KRT40: variants seen among roughly 807,000 people sequenced by gnomAD.
KRT40 encodes keratin 40.
In KRT40, 47 loss-of-function variants were observed where a neutral mutation model predicts 43.5. The ratio of observed to expected loss-of-function variants is 1.08; its 90% CI spans 0.86 to 1.38. KRT40 has a LOEUF of 1.38. Among genes scored for constraint, KRT40 ranks in the 40% most tolerant of loss-of-function variants. KRT40 has a pLI of 0.00. For synonymous variants in KRT40, 212 were observed against 214.0 expected (o/e 0.99, Z 0.08); for missense variants, 573 against 523.6 (o/e 1.09, Z -0.92).
Position 40,984,233 on chromosome 17 carries a change from G to A in KRT40, c.41C>T (p.Ser14Phe), listed in dbSNP as rs1912352107. The A allele has an allele frequency of 6.2e-7, 1 of 1,613,628 alleles. No individual in the cohort carries two copies. The change falls in exon 1 of 7, where the codon TCC becomes TTC. Residue 14 changes from serine (S) to phenylalanine (F), a missense_variant. Coordinates refer to ENST00000377755, the MANE Select transcript of KRT40 (RefSeq NM_001389244.1). ...TGCACAACCGGAAGCCGTGCCACAGGACTCAGGAGAGCAGTGTGTGGAGGA... is the reference window on the plus strand; with the variant it reads ...TGCACAACCGGAAGCCGTGCCACAGAACTCAGGAGAGCAGTGTGTGGAGGA... ...DCSSTHCSPE[S>F]CGTASGCAPA...
intron 5 of KRT40, 33 bp downstream of exon 5, chr17:40,980,752 T>C: frequency 1.3e-6 from 2 of 1,553,364 alleles, no homozygotes; most frequent in Non-Finnish European, 1.7e-6. Context: ...GACTTATCAG[T>C]GACACAACGG....
Position 40,982,418 on chromosome 17 carries a change from G to C in KRT40, c.576C>G (p.Ile192Met). 1.2e-6 allele frequency: 2 copies of C among 1,609,312 alleles called. No individual in the cohort carries two copies. The highest frequency in any genetic ancestry group is 1.7e-6 in the Non-Finnish European group (2 of 1,177,726). ...LSLRQLLEAD[I>M]SSLHGILEEL... Reference sequence around the variant, plus strand: ...CCTCCAGGATCCCATGCAGGCTGCTGATGTCAGCCTCTAACAGCTGGCGAA... The same window carrying C: ...CCTCCAGGATCCCATGCAGGCTGCTCATGTCAGCCTCTAACAGCTGGCGAA... The change falls in exon 3 of 7, where the codon ATC (isoleucine) becomes ATG (methionine). Residue 192 changes from isoleucine (I) to methionine (M), a missense_variant. By Grantham distance (10) the Ile-to-Met change is conservative. Transcript: ENST00000377755.
chr17:40,980,346 T>C (rs962229551), intron 5 of KRT40, among the ~76,000 whole-genome samples: 9 of 152,210 alleles, frequency 5.9e-5, no homozygotes, highest in Non-Finnish European at 1.2e-4. Context: ...ACGCATGGTG[T>C]TCCTGTTGCT....
At chr17:40,982,823 G>A (rs1912254517) in intron 2 of KRT40, among the ~76,000 whole-genome samples, 3 of 152,100 alleles carry the variant, frequency 2.0e-5, no homozygotes, top group South Asian at 2.1e-4. Context: ...GGCCCACATG[G>A]TGAAACCCTG....
Position 40,978,128 on chromosome 17 carries a change from C to A in KRT40, c.*69G>T. ...ATTTGTGCTTCCGGTTTGGATGTCC[C>A]TGGTTGAAGCCCCATCTCCTTTCTA... On this transcript the variant is annotated 3_prime_UTR_variant, in exon 7 of 7. Coordinates refer to ENST00000377755, the MANE Select transcript of KRT40 (RefSeq NM_001389244.1). 1 of 1,200,176 alleles carries A rather than the reference C, an allele frequency of 8.3e-7. No homozygotes were observed. The highest frequency in any genetic ancestry group is 1.2e-6 in the Non-Finnish European group (1 of 810,358). The allele number at this position is 1,200,176 out of a possible 1,614,324, so 74.3% of individuals were successfully genotyped here. A position where few individuals can be genotyped will look rare whatever the true frequency, so the allele number is the denominator to read the frequency against.
upstream of KRT40, among the ~76,000 whole-genome samples, chr17:40,985,013 C>T (rs1338947550): frequency 6.6e-6 from 1 of 152,294 alleles, no homozygotes; most frequent in East Asian, 1.9e-4. Flanking sequence ...TTGCCTTCTC[C>T]ACATTTCTCA....
At position 40,984,152 on chromosome 17, in the gene KRT40, G is replaced by A; in HGVS notation, c.122C>T (p.Ser41Phe). Reference protein sequence around the residue: ...TACLPGTCATSRCQTPSFLSR... With the variant: ...TACLPGTCATFRCQTPSFLSR... Reference sequence around the variant, plus strand: ...TAGGAAGCTTGGAGTCTGACATCGGGATGTAGCACAGGTACCGGGGAGACA... The same window carrying A: ...TAGGAAGCTTGGAGTCTGACATCGGAATGTAGCACAGGTACCGGGGAGACA... Residue 41 changes from serine (S) to phenylalanine (F), a missense_variant, in exon 1 of 7, where the codon TCC (serine) becomes TTC (phenylalanine). Physicochemically the swap from Ser to Phe is radical, Grantham distance 155. Coordinates refer to ENST00000377755, the MANE Select transcript of KRT40 (RefSeq NM_001389244.1). The A allele has an allele frequency of 6.2e-7, 1 of 1,614,118 alleles. No homozygotes were observed. Among genetic ancestry groups the A allele is most frequent in the Non-Finnish European group, 8.5e-7 (1 of 1,180,034 alleles).
intron 3 of KRT40, 25 bp from the exon 4 acceptor site, chr17:40,981,176 T>C (rs772751564): frequency 6.2e-7 from 1 of 1,612,326 alleles, no homozygotes; most frequent in Non-Finnish European, 8.5e-7. Flanking sequence ...GTGTAAAGAA[T>C]GTCACAGAAT....
chr17:40,982,968 A>G (rs1912264465), intron 2 of KRT40, 78 bp downstream of exon 2: 2 of 665,252 alleles, frequency 3.0e-6, no homozygotes. Context: ...AGATAGCACC[A>G]TTGAGCTCTA....
upstream of KRT40, among the ~76,000 whole-genome samples, chr17:40,984,854 GT>G (rs2143692504): frequency 9.3e-6 from 1 of 107,512 alleles, no homozygotes; most frequent in East Asian, 2.5e-4. Flanking sequence ...TATATATTGG[GT>G]TTAAAGTGTG....
chr17:40,986,082 C>T (rs900762283), upstream of KRT40, among the ~76,000 whole-genome samples: 4 of 152,122 alleles, frequency 2.6e-5, no homozygotes, highest in African/African-American at 9.7e-5. Flanking sequence ...GCTATAGTCT[C>T]CATCGTAGAA....
At chr17:40,978,430 C>A in intron 6 of KRT40, 134 bp from the exon 7 acceptor site, 1 of 707,844 alleles carries the variant, frequency 1.4e-6, no homozygotes, top group Non-Finnish European at 2.5e-6. Context: ...TTGACTGAAG[C>A]CTGTTTCTTC....
In KRT40 at chr17:40,978,753, A is replaced by G. The variant is rs756212570; in HGVS notation, c.1196+51T>C. 3 of 1,501,672 alleles carry G rather than the reference A, an allele frequency of 2.0e-6. No homozygotes were observed. In the Admixed American group the frequency reaches 5.2e-5, roughly 26 times the overall value. The allele number at this position is 1,501,672 out of a possible 1,614,324, so 93.0% of individuals were successfully genotyped here. ...CTTTGGGGAAACAGGATTCTTTTAC[A>G]TCAGCCTCTTTGTGACTCTGGGGGA... On this transcript the variant is annotated intron_variant, in intron 6 of 6. Transcript: ENST00000377755.
chr17:40,986,552 C>T (rs1288753611), upstream of KRT40, among the ~76,000 whole-genome samples: 2 of 152,136 alleles, frequency 1.3e-5, no homozygotes, highest in African/African-American at 2.4e-5. Context: ...TATTTTCATA[C>T]GTTCTCTAAT....
Position 40,980,760 on chromosome 17 carries a change from C to A in KRT40, c.975+25G>T, listed in dbSNP as rs201112095. ...AGGGCCTGACTTATCAGTGACACAA[C>A]GGACACTGCCTTTGCCTCACGCACC... On this transcript the variant is annotated intron_variant, in intron 5 of 6. Coordinates refer to ENST00000377755, the MANE Select transcript of KRT40 (RefSeq NM_001389244.1). 4 of 1,564,592 alleles carry A rather than the reference C, an allele frequency of 2.6e-6. No individual in the cohort carries two copies. In the South Asian group the frequency reaches 3.6e-5, roughly 14 times the overall value.
At chr17:40,981,522 T>C (rs1257129100) in intron 3 of KRT40, among the ~76,000 whole-genome samples, 2 of 152,250 alleles carry the variant, frequency 1.3e-5, no homozygotes, top group Non-Finnish European at 2.9e-5. Flanking sequence ...TTTCATTTTC[T>C]AGCTTTATCA....
chr17:40,978,990 T>A lies in KRT40; in HGVS notation c.1010A>T (p.Glu337Val). The A allele has an allele frequency of 6.2e-7, 1 of 1,614,058 alleles. No individual in the cohort carries two copies. Residue 337 changes from glutamate (E) to valine (V), a missense_variant, in exon 6 of 7, where the codon GAG becomes GTG. Physicochemically the swap from Glu to Val is moderately radical, Grantham distance 121. Coordinates refer to ENST00000377755, the MANE Select transcript of KRT40 (RefSeq NM_001389244.1). ...ESLECTVAET[E>V]AQYSSQLAQI... The stretch of plus-strand genomic sequence containing the variant: ...GGCCAGCTGGGAGCTGTACTGGGCC[T>A]CGGTTTCTGCCACGGTGCATTCCAG...
chr17:40,980,276 G>A (rs924419190), intron 5 of KRT40, among the ~76,000 whole-genome samples: 3 of 152,114 alleles, frequency 2.0e-5, no homozygotes, highest in South Asian at 2.1e-4. Context: ...GGTGTTCTCC[G>A]CAGGGCCTAA....
chr17:40,983,312 AAAC>A (rs1351017527), intron 1 of KRT40, among the ~76,000 whole-genome samples, 184 bp from the exon 2 acceptor site: 2 of 152,210 alleles, frequency 1.3e-5, no homozygotes, highest in Non-Finnish European at 2.9e-5. Flanking sequence ...GCCAATTTAG[AAAC>A]AAAATAATGA....
Sources: allele counts gnomAD v4.1 joint callset (sites outside exome capture counted in the v4.1 genomes callset), GRCh38; gene constraint gnomAD v4.1.1; transcripts MANE v1.5; gene names NCBI Gene and HGNC (gene_info 2026-07-23, HGNC 2026-07-21).